L3MBTL3: variants seen among roughly 807,000 people sequenced by gnomAD.
L3MBTL3 encodes lethal(3)malignant brain tumor-like protein 3.
In L3MBTL3, 27 loss-of-function variants were observed where a neutral mutation model predicts 102.3. The ratio of observed to expected loss-of-function variants is 0.26; its 90% CI spans 0.19 to 0.36. The LOEUF (loss-of-function observed/expected upper bound fraction) is 0.36. Among genes scored for constraint, L3MBTL3 ranks in the 10% least tolerant of loss-of-function variants. L3MBTL3 has a pLI of 1.00. For synonymous variants in L3MBTL3, 340 were observed against 320.9 expected (o/e 1.06, Z -0.64); for missense variants, 798 against 955.3 (o/e 0.84, Z 2.17).
At chr6:130,138,960 G>GAGAGAGGA (rs1328646923) in intron 22 of L3MBTL3, among the ~76,000 whole-genome samples, 1 of 152,138 alleles carries the variant, frequency 6.6e-6, no homozygotes, top group East Asian at 1.9e-4. Context: ...AAGATGTCCA[G>GAGAGAGGA]AGAGAGGAAG....
chr6:130,107,805 T>C (rs1785080960), intron 19 of L3MBTL3, among the ~76,000 whole-genome samples: 1 of 152,186 alleles, frequency 6.6e-6, no homozygotes, highest in East Asian at 1.9e-4. Flanking sequence ...GCAACTAAAC[T>C]CTCTTAGGGG....
intron 22 of L3MBTL3, chr6:130,138,489 C>A (rs1182039870): frequency 6.6e-6 from 1 of 152,242 alleles, no homozygotes; most frequent in East Asian, 1.9e-4. Context: ...TTCTCCAGAT[C>A]TCTCCTTTTT....
chr6:130,049,476 A>G, intron 4 of L3MBTL3, 83 bp downstream of exon 4: 3 of 934,696 alleles, frequency 3.2e-6, no homozygotes, highest in Non-Finnish European at 3.2e-6. Flanking sequence ...ATAGGCTGGA[A>G]CTTTGAAGGC....
chr6:130,048,249 A>C (rs1475263472), intron 3 of L3MBTL3, among the ~76,000 whole-genome samples: 1 of 152,182 alleles, frequency 6.6e-6, no homozygotes, highest in Non-Finnish European at 1.5e-5. Flanking sequence ...TTTGCTCATA[A>C]TTTCTGTGAA....
At chr6:130,056,492 G>T (rs1048288116) in intron 8 of L3MBTL3, among the ~76,000 whole-genome samples, 1 of 152,184 alleles carries the variant, frequency 6.6e-6, no homozygotes, top group African/African-American at 2.4e-5. Context: ...CAGTGCCGGG[G>T]TGCATTCTAG....
intron 22 of L3MBTL3, among the ~76,000 whole-genome samples, chr6:130,135,127 A>G (rs1273596567): frequency 7.3e-6 from 1 of 137,168 alleles, no homozygotes; most frequent in Admixed American, 7.9e-5. Flanking sequence ...CTCCTGGGCT[A>G]GAGTGCTCAC....
At chr6:130,134,029 T>C in intron 22 of L3MBTL3, 124 bp downstream of exon 22, 1 of 720,708 alleles carries the variant, frequency 1.4e-6, no homozygotes, top group Non-Finnish European at 2.4e-6. Context: ...AATTGACAAA[T>C]TGATGTATAC....
At chr6:130,045,655 A>G (rs1453003057) in intron 3 of L3MBTL3, among the ~76,000 whole-genome samples, 3 of 152,146 alleles carry the variant, frequency 2.0e-5, no homozygotes, top group Non-Finnish European at 2.9e-5. Context: ...ACACCTTCAT[A>G]TCAAAAGAGA....
intron 9 of L3MBTL3, 26 bp downstream of exon 9, chr6:130,057,523 C>A (rs762367998): frequency 4.5e-6 from 7 of 1,556,892 alleles, no homozygotes; most frequent in Non-Finnish European, 6.1e-6. Flanking sequence ...GAGACGTGAT[C>A]TGTAAGGGCG....
At chr6:130,052,498 TC>T (rs1781170147) in intron 6 of L3MBTL3, among the ~76,000 whole-genome samples, 1 of 152,366 alleles carries the variant, frequency 6.6e-6, no homozygotes, top group Admixed American at 6.5e-5. Context: ...AACTGCTAGA[TC>T]CTTCTTTGAC....
chr6:130,108,464 G>A (rs1446681546), intron 19 of L3MBTL3, among the ~76,000 whole-genome samples: 1 of 151,838 alleles, frequency 6.6e-6, no homozygotes, highest in Non-Finnish European at 1.5e-5. Context: ...TCAATCTCCT[G>A]ACTTCCTGAT....
intron 22 of L3MBTL3, among the ~76,000 whole-genome samples, chr6:130,134,919 G>T (rs899494501): frequency 1.3e-5 from 2 of 152,120 alleles, no homozygotes; most frequent in Non-Finnish European, 2.9e-5. Context: ...ACAAGGATCT[G>T]ATTTCCAACA....
intron 1 of L3MBTL3, among the ~76,000 whole-genome samples, chr6:130,019,895 C>A (rs887884088): frequency 7.1e-6 from 1 of 140,296 alleles, no homozygotes; most frequent in African/African-American, 2.6e-5. Context: ...GGCCGGGAGC[C>A]CGCGCCGTCG....
chr6:130,053,700 TG>T (rs1449565424), intron 7 of L3MBTL3, among the ~76,000 whole-genome samples: 1 of 152,092 alleles, frequency 6.6e-6, no homozygotes, highest in Non-Finnish European at 1.5e-5. Flanking sequence ...CAGGTATATT[TG>T]GGGAAAAGCC....
At chr6:130,100,708 C>A (rs1784633517) in intron 18 of L3MBTL3, among the ~76,000 whole-genome samples, 1 of 151,612 alleles carries the variant, frequency 6.6e-6, no homozygotes, top group African/African-American at 2.4e-5. Context: ...TTACCCCTCT[C>A]TTGAGCTATC....
At chr6:130,065,870 TTTTC>T (rs1455766877) in intron 10 of L3MBTL3, among the ~76,000 whole-genome samples, 2 of 152,148 alleles carry the variant, frequency 1.3e-5, no homozygotes, top group Admixed American at 6.5e-5. Flanking sequence ...GGAGAGACGC[TTTTC>T]TTTCTTTCTT....
chr6:130,141,209 A>G lies in L3MBTL3; in HGVS notation c.*1456A>G, dbSNP rs1345223792. The G allele has an allele frequency of 1.3e-5, 2 of 152,204 alleles. No homozygotes were observed. The highest frequency in any genetic ancestry group is 2.9e-5 in the Non-Finnish European group (2 of 68,024). 9.4% of individuals were successfully genotyped at this position (152,204 alleles called of 1,614,324 possible). On this transcript the variant is annotated 3_prime_UTR_variant, in exon 23 of 23. Transcript: ENST00000361794. ...TAGTTGCTTTCGTTTTTTATGATGT[A>G]GGACTTCCTTTGATATCCCTGTTGG...
intron 2 of L3MBTL3, among the ~76,000 whole-genome samples, chr6:130,041,332 A>G (rs1435897256): frequency 6.6e-6 from 1 of 152,194 alleles, no homozygotes; most frequent in South Asian, 2.1e-4. Flanking sequence ...GTTGTTGCCT[A>G]GAACCATTAA....
chr6:130,027,798 G>C (rs555983521), intron 2 of L3MBTL3, among the ~76,000 whole-genome samples: 1 of 152,126 alleles, frequency 6.6e-6, no homozygotes, highest in Non-Finnish European at 1.5e-5. Context: ...TAAAATTTTA[G>C]TTCATGCATA....
Sources: gnomAD v4.1 joint callset for allele counts (sites outside exome capture counted in the v4.1 genomes callset) on GRCh38, gnomAD v4.1.1 for gene constraint, MANE v1.5 for transcripts, NCBI Gene and HGNC (gene_info 2026-07-23, HGNC 2026-07-21) for gene names.